MAPK8IP3: variants seen among roughly 807,000 people sequenced by gnomAD.
MAPK8IP3 encodes the protein mitogen-activated protein kinase 8 interacting protein 3.
In MAPK8IP3, 49 loss-of-function variants were observed where a neutral mutation model predicts 157.8. The ratio of observed to expected loss-of-function variants is 0.31; its 90% CI spans 0.25 to 0.39. The LOEUF (loss-of-function observed/expected upper bound fraction) is 0.39, where lower values mean the gene tolerates loss of function less well. Ranked by LOEUF, MAPK8IP3 falls within the 10% of genes least tolerant of loss-of-function variation. The pLI is 1.00. For synonymous variants in MAPK8IP3, 897 were observed against 777.7 expected, an observed-to-expected ratio of 1.15 and a Z score of -2.55; for missense variants, 1,478 against 1,889.4, an observed-to-expected ratio of 0.78 and a Z score of 4.04.
intron 8 of MAPK8IP3, among the ~76,000 whole-genome samples, chr16:1,754,697 G>A (rs1205959698): frequency 6.6e-6 from 1 of 152,022 alleles, no homozygotes; most frequent in Non-Finnish European, 1.5e-5. Context: ...CTTGAACCTG[G>A]GAGGCGGGGG....
chr16:1,761,846 A>G (rs2041971298), intron 13 of MAPK8IP3, among the ~76,000 whole-genome samples: 1 of 152,374 alleles, frequency 6.6e-6, no homozygotes, highest in South Asian at 2.1e-4. Flanking sequence ...CACACACAGT[A>G]TATCCTACTA....
chr16:1,755,137 C>G (rs879336748), intron 8 of MAPK8IP3, among the ~76,000 whole-genome samples: 4 of 152,180 alleles, frequency 2.6e-5, no homozygotes, highest in Non-Finnish European at 5.9e-5. Flanking sequence ...AGCAACAAAC[C>G]TGTGATACGA....
At chr16:1,731,961 G>A (rs1011223347) in intron 4 of MAPK8IP3, among the ~76,000 whole-genome samples, 2 of 152,126 alleles carry the variant, frequency 1.3e-5, no homozygotes, top group South Asian at 2.1e-4. Context: ...TCCAGGGCTC[G>A]GTGCTGGTTT....
chr16:1,711,041 C>T (rs767596990), intron 1 of MAPK8IP3, among the ~76,000 whole-genome samples: 10 of 152,232 alleles, frequency 6.6e-5, no homozygotes, highest in Admixed American at 1.3e-4. Flanking sequence ...CGGGAGCCCC[C>T]GGGCCACGCT....
chr16:1,726,376 G>A (rs1346921674), intron 2 of MAPK8IP3, among the ~76,000 whole-genome samples: 1 of 152,196 alleles, frequency 6.6e-6, no homozygotes, highest in Non-Finnish European at 1.5e-5. Context: ...AAAAACATAA[G>A]CTCAAATTAC....
chr16:1,766,872 C>G (rs760785376), intron 24 of MAPK8IP3, 32 bp from the exon 25 acceptor site: 21 of 1,609,576 alleles, frequency 1.3e-5, no homozygotes, highest in Non-Finnish European at 1.8e-5. Context: ...CACAGCCTGG[C>G]CCAAACCAGG....
chr16:1,712,353 G>A (rs996052395), intron 1 of MAPK8IP3, among the ~76,000 whole-genome samples: 4 of 151,956 alleles, frequency 2.6e-5, no homozygotes, highest in Non-Finnish European at 5.9e-5. Context: ...GAGCCATCGC[G>A]CCCGGCCAGC....
In MAPK8IP3 at chr16:1,724,423, T is replaced by G; in HGVS notation, c.319-134T>G. On this transcript the variant is annotated intron_variant, in intron 1 of 31. Coordinates refer to ENST00000610761, the MANE Select transcript of MAPK8IP3 (RefSeq NM_001318852.2). The surrounding 1 kb of genome is among the most constrained non-coding windows in gnomAD (Gnocchi z 4.1). The stretch of plus-strand genomic sequence containing the variant: ...GTGGCGGGAAGCCCCCATTCCGGCC[T>G]GGCCATGGGCCAGCTTGTGGCCCTG... The G allele has an allele frequency of 2.4e-6, 3 of 1,244,512 alleles. No individual in the cohort carries two copies. The highest frequency in any genetic ancestry group is 2.3e-5 in the Admixed American group (1 of 43,802). The allele number at this position is 1,244,512 out of a possible 1,614,324, so 77.1% of individuals were successfully genotyped here.
intron 13 of MAPK8IP3, among the ~76,000 whole-genome samples, chr16:1,761,652 C>T (rs1467061785): frequency 7.3e-5 from 10 of 137,754 alleles, no homozygotes; most frequent in Admixed American, 6.0e-4. Flanking sequence ...CATTCACAGG[C>T]GGGGCGGCCA....
In MAPK8IP3 at chr16:1,762,453, G is replaced by A; in HGVS notation, c.1642G>A (p.Glu548Lys). Reference protein sequence around the residue: ...QYKERLMELQEAVRWTEMIRA... With the variant: ...QYKERLMELQKAVRWTEMIRA... ...CAAGGAGCGGCTGATGGAGCTGCAG[G>A]AGGCTGTGCGGTGGACTGAGATGAT... Residue 548 changes from glutamate (E) to lysine (K), a missense_variant, in exon 14 of 32, where the codon GAG becomes AAG. This residue lies in a region of MAPK8IP3 where 11 missense variants were observed against 47.3 expected (regional missense o/e 0.23). Transcript: ENST00000610761. The A allele has an allele frequency of 6.2e-7, 1 of 1,610,548 alleles. No homozygotes were observed. Among genetic ancestry groups the A allele is most frequent in the Non-Finnish European group, 8.5e-7 (1 of 1,178,672 alleles).
rs2042434647 is a variant in MAPK8IP3 at position 1,768,706 on chromosome 16, A to T, written c.3896A>T (p.Asp1299Val). The change falls in exon 32 of 32, where the codon GAC becomes GTC. Residue 1299 changes from aspartate to valine, a missense_variant. By Grantham distance (152) the Asp-to-Val change is radical. Around this residue, in one of 11 missense-constraint regions of MAPK8IP3, gnomAD observed 133 missense variants for 133.4 expected, o/e 1.00. Coordinates refer to ENST00000610761, the MANE Select transcript of MAPK8IP3 (RefSeq NM_001318852.2). ...CACTCTGCTGCTTTGCCCGCAGGAG[A>T]CGGAGAGGACGACGAGACGGAGGAG... Reference protein sequence around the residue: ...GEGYIDFRIGDGEDDETEEGA... With the variant: ...GEGYIDFRIGVGEDDETEEGA... The T allele has an allele frequency of 6.2e-7, 1 of 1,611,602 alleles. No homozygotes were observed. The highest frequency in any genetic ancestry group is 8.5e-7 in the Non-Finnish European group (1 of 1,179,222).
intron 12 of MAPK8IP3, among the ~76,000 whole-genome samples, 169 bp downstream of exon 12, chr16:1,760,701 TG>T (rs2041882432): frequency 6.6e-6 from 1 of 152,198 alleles, no homozygotes; most frequent in Non-Finnish European, 1.5e-5. Flanking sequence ...AGTGGGGCCG[TG>T]GTCTCCTCCT....
rs1034636428 is a variant in MAPK8IP3 at position 1,734,791 on chromosome 16, C to T, written c.602+5213C>T. ...TGCTCAGCCAAAACCCCTTGATTCA[C>T]CATGAGGGCGCCGTCCATCCTCAGC... On this transcript the variant is annotated intron_variant, in intron 4 of 31. Coordinates refer to ENST00000610761, the MANE Select transcript of MAPK8IP3 (RefSeq NM_001318852.2). 9.2e-5 allele frequency among the ~76,000 whole-genome samples: 14 copies of T among 152,400 alleles called. No homozygotes were observed. The South Asian group carries it at 2.7e-3, about 29-fold the overall frequency.
intron 4 of MAPK8IP3, among the ~76,000 whole-genome samples, chr16:1,739,267 ACCGT>A (rs143489279): frequency 0.16 from 15,453 of 99,318 alleles, 1,271 homozygotes; most frequent in East Asian, 0.28. Flanking sequence ...CATCTGTGTG[ACCGT>A]CCGTGTGAGC....
chr16:1,712,677 C>T (rs1402543303), intron 1 of MAPK8IP3, among the ~76,000 whole-genome samples: 3 of 152,240 alleles, frequency 2.0e-5, no homozygotes, highest in Non-Finnish European at 4.4e-5. Flanking sequence ...GGGCCCACCT[C>T]TCACCAGCCT....
At chr16:1,727,521 T>C (rs117808221) in intron 2 of MAPK8IP3, among the ~76,000 whole-genome samples, 1 of 152,154 alleles carries the variant, frequency 6.6e-6, no homozygotes, top group Non-Finnish European at 1.5e-5. Context: ...TGTTTGGTGC[T>C]GTGTCTAAGT....
chr16:1,715,514 C>T (rs1309350634), intron 1 of MAPK8IP3, among the ~76,000 whole-genome samples: 1 of 152,192 alleles, frequency 6.6e-6, no homozygotes, highest in Non-Finnish European at 1.5e-5. Flanking sequence ...TGCCCGGCAC[C>T]TGTCTGCCTG....
rs1452878271 is a variant in MAPK8IP3, at chr16:1,768,501, G to A, written c.3767G>A (p.Gly1256Glu). The part of the protein sequence containing the change: ...VPGNVLATLN[G>E]SVLDSPAEGP... ...GGGAACGTGCTGGCCACCCTGAATGGGAGTGTGCTGGACAGCCCAGCCGAG... is the reference window on the plus strand; with the variant it reads ...GGGAACGTGCTGGCCACCCTGAATGAGAGTGTGCTGGACAGCCCAGCCGAG... Residue 1256 changes from glycine (G) to glutamate (E), a missense_variant, in exon 31 of 32, where the codon GGG becomes GAG. By Grantham distance (98) the Gly-to-Glu change is moderately conservative. Transcript: ENST00000610761. 6.4e-7 allele frequency: 1 copy of A among 1,559,800 alleles called. No homozygotes were observed. Among genetic ancestry groups the A allele is most frequent in the South Asian group, 1.2e-5 (1 of 86,626 alleles).
In MAPK8IP3 at chr16:1,769,677, G is replaced by C. The variant is rs562592469; in HGVS notation, c.*853G>C. 3.3e-5 allele frequency: 5 copies of C among 152,436 alleles called. No homozygotes were observed. The highest frequency in any genetic ancestry group is 5.9e-5 in the Non-Finnish European group (4 of 68,110). The allele number at this position is 152,436 out of a possible 1,614,324, so 9.4% of individuals were successfully genotyped here. A position where few individuals can be genotyped will look rare whatever the true frequency, so the allele number is the denominator to read the frequency against. On this transcript the variant is annotated 3_prime_UTR_variant, in exon 32 of 32. Transcript: ENST00000610761. The stretch of plus-strand genomic sequence containing the variant: ...GCCCAGGCCTCAGGAAGAAGGGGAG[G>C]CCCCTGGCCTCTCCGGGATCAGTCC...
Sources: allele counts gnomAD v4.1 joint callset (sites outside exome capture counted in the v4.1 genomes callset), GRCh38; gene constraint gnomAD v4.1.1; regional missense constraint gnomAD v4.1.1; non-coding constraint Gnocchi (gnomAD v3.1); transcripts MANE v1.5; gene names NCBI Gene and HGNC (gene_info 2026-07-23, HGNC 2026-07-21).